Variants in PTCHD4 observed in about 807,000 individuals in gnomAD.
PTCHD4 encodes the protein patched domain containing 4.
In PTCHD4, 33 loss-of-function variants were observed where a neutral mutation model predicts 58.1. That is an observed-to-expected ratio of 0.57 (90% CI 0.43 to 0.76). The LOEUF (loss-of-function observed/expected upper bound fraction) is 0.76. Ranked by LOEUF, PTCHD4 falls within the 30% of genes least tolerant of loss-of-function variation. The pLI is 0.00. For synonymous variants in PTCHD4, 478 were observed against 409.6 expected, an observed-to-expected ratio of 1.17 and a Z score of -2.02; for missense variants, 1,058 against 1,027.1, an observed-to-expected ratio of 1.03 and a Z score of -0.41.
intron 4 of PTCHD4, among the ~76,000 whole-genome samples, chr6:47,995,884 T>C (rs1217989438): frequency 1.3e-5 from 2 of 152,208 alleles, no homozygotes; most frequent in Non-Finnish European, 2.9e-5. Context: ...ATTTAGTTCA[T>C]GTCTAGTATA....
chr6:47,936,812 G>C (rs1214000797), intron 4 of PTCHD4, among the ~76,000 whole-genome samples: 2 of 152,142 alleles, frequency 1.3e-5, no homozygotes, highest in African/African-American at 4.8e-5. Context: ...AAAATATATA[G>C]TATGTTAGCC....
chr6:47,968,619 C>T (rs1762472136), intron 4 of PTCHD4, among the ~76,000 whole-genome samples: 1 of 152,136 alleles, frequency 6.6e-6, no homozygotes, highest in African/African-American at 2.4e-5. Flanking sequence ...AGGTGCTTTC[C>T]TGAATCATTT....
chr6:47,884,695 C>G (rs1044161889), intron 4 of PTCHD4, among the ~76,000 whole-genome samples: 6 of 152,190 alleles, frequency 3.9e-5, no homozygotes, highest in African/African-American at 1.4e-4. Context: ...AAGAACAACT[C>G]CATTCAAGTT....
At chr6:47,921,658 G>A (rs1765436773) in intron 4 of PTCHD4, among the ~76,000 whole-genome samples, 1 of 151,962 alleles carries the variant, frequency 6.6e-6, no homozygotes, top group Non-Finnish European at 1.5e-5. Flanking sequence ...ATATAAACAC[G>A]ATGACTGCAT....
chr6:48,077,080 A>G (rs1206429521), intron 1 of PTCHD4, among the ~76,000 whole-genome samples: 1 of 152,240 alleles, frequency 6.6e-6, no homozygotes, highest in Non-Finnish European at 1.5e-5. Flanking sequence ...GAGCAGTAAT[A>G]TTTTGAAAGG....
chr6:48,087,839 T>G (rs531600695), intron 1 of PTCHD4, among the ~76,000 whole-genome samples: 41 of 152,296 alleles, frequency 2.7e-4, no homozygotes, highest in Non-Finnish European at 4.4e-4. Flanking sequence ...AAGACAAGGG[T>G]CAGTCATTTT....
chr6:48,082,934 T>A (rs1765195678), intron 1 of PTCHD4, among the ~76,000 whole-genome samples: 1 of 151,882 alleles, frequency 6.6e-6, no homozygotes, highest in Non-Finnish European at 1.5e-5. Context: ...TTGGCTTAGT[T>A]CCATATTTCT....
intron 3 of PTCHD4, among the ~76,000 whole-genome samples, chr6:48,052,126 G>A (rs750162334): frequency 6.6e-6 from 1 of 152,018 alleles, no homozygotes; most frequent in African/African-American, 2.4e-5. Context: ...ATACAGGGAG[G>A]AGAAAGTTGA....
chr6:47,909,025 G>A (rs1764986255), intron 4 of PTCHD4, among the ~76,000 whole-genome samples: 3 of 152,210 alleles, frequency 2.0e-5, no homozygotes, highest in Admixed American at 1.3e-4. Context: ...CAGGTTGCCA[G>A]GTATACATTG....
chr6:48,034,934 T>C (rs1172538393), intron 3 of PTCHD4, among the ~76,000 whole-genome samples: 1 of 152,122 alleles, frequency 6.6e-6, no homozygotes, highest in Non-Finnish European at 1.5e-5. Flanking sequence ...CCAGAATCAT[T>C]TGCTGCTACA....
At chr6:48,062,733 C>T (rs913428132) in intron 3 of PTCHD4, among the ~76,000 whole-genome samples, 5 of 152,066 alleles carry the variant, frequency 3.3e-5, no homozygotes, top group African/African-American at 1.2e-4. Flanking sequence ...CTTTCAGTAG[C>T]ATCATTCAAA....
chr6:47,995,364 G>A (rs186852613), intron 4 of PTCHD4, among the ~76,000 whole-genome samples: 24 of 152,284 alleles, frequency 1.6e-4, no homozygotes, highest in Admixed American at 1.0e-3. Flanking sequence ...AAGGAACAAA[G>A]AAATTCATCA....
intron 4 of PTCHD4, among the ~76,000 whole-genome samples, chr6:47,948,705 C>T (rs1036632771): frequency 6.6e-6 from 1 of 152,180 alleles, no homozygotes; most frequent in Non-Finnish European, 1.5e-5. Context: ...ATTCCGCACA[C>T]TGCAGCCTAT....
In PTCHD4 at chr6:48,077,191, G is replaced by A. The variant is rs2150586; in HGVS notation, c.-969-7265C>T. On this transcript the variant is annotated intron_variant, in intron 1 of 4. Coordinates refer to ENST00000339488, the MANE Select transcript of PTCHD4 (RefSeq NM_001384253.1). ...TTATCCAGGCTTTGTTGTTTCATTT[G>A]TTTAGCACAGGTGGAATAGATTTAG... is the stretch of plus-strand genomic sequence containing the variant. Among the ~76,000 whole-genome samples the A allele has an allele frequency of 2.7e-3, 413 of 152,280 alleles. 2 individuals are homozygous for A. The highest frequency in any genetic ancestry group is 8.5e-3 in the African/African-American group (354 of 41,568).
chr6:47,956,254 C>T (rs1006737944), intron 4 of PTCHD4, among the ~76,000 whole-genome samples: 25 of 152,166 alleles, frequency 1.6e-4, no homozygotes, highest in Admixed American at 1.6e-3. Context: ...TTAGTCAGTG[C>T]TTAATATGTG....
At chr6:48,085,561 A>C (rs1365181528) in intron 1 of PTCHD4, among the ~76,000 whole-genome samples, 1 of 152,198 alleles carries the variant, frequency 6.6e-6, no homozygotes, top group African/African-American at 2.4e-5. Flanking sequence ...ATATACTCAC[A>C]GTGTTTTCAA....
rs557009722 is a variant in PTCHD4 at position 48,033,638 on chromosome 6, T to C, written c.418-24524A>G. Among the ~76,000 whole-genome samples the C allele has an allele frequency of 2.3e-3, 344 of 152,114 alleles. 2 individuals are homozygous for C. The highest frequency in any genetic ancestry group is 7.7e-3 in the African/African-American group (319 of 41,502). ...ACTGAAAACTCTACATCCAGATGCATGGAGACTTGTAATACCAGTCATGAC... is the reference window on the plus strand; with the variant it reads ...ACTGAAAACTCTACATCCAGATGCACGGAGACTTGTAATACCAGTCATGAC... On this transcript the variant is annotated intron_variant, in intron 3 of 4. Coordinates refer to ENST00000339488, the MANE Select transcript of PTCHD4 (RefSeq NM_001384253.1).
chr6:47,951,676 A>G (rs1422802385), intron 4 of PTCHD4, among the ~76,000 whole-genome samples: 2 of 152,168 alleles, frequency 1.3e-5, no homozygotes, highest in East Asian at 3.9e-4. Flanking sequence ...TCCTCTATAC[A>G]AAGATCCCTT....
At chr6:48,106,986 G>A in intron 1 of PTCHD4, among the ~76,000 whole-genome samples, 1 of 152,128 alleles carries the variant, frequency 6.6e-6, no homozygotes, top group Non-Finnish European at 1.5e-5. Context: ...CCATGCTCGT[G>A]GGTAGGAAGA....
Sources: allele counts gnomAD v4.1 joint callset (sites outside exome capture counted in the v4.1 genomes callset), GRCh38; gene constraint gnomAD v4.1.1; transcripts MANE v1.5; gene names NCBI Gene and HGNC (gene_info 2026-07-23, HGNC 2026-07-21).